CDHR3: variants seen among roughly 807,000 people sequenced by gnomAD.
The protein encoded by CDHR3 is cadherin related family member 3, also known as cadherin-related family member 3.
CDHR3 carries 79 observed loss-of-function variants against 86.6 expected under a neutral mutation model. The observed-to-expected ratio is 0.91, with a 90% CI of 0.76 to 1.10. The LOEUF (loss-of-function observed/expected upper bound fraction) is 1.10. CDHR3 is among the 50% of genes least tolerant of loss of function. The pLI is 0.00. For synonymous variants in CDHR3, 421 were observed against 402.4 expected (o/e 1.05, Z -0.55); for missense variants, 1,081 against 1,077.6 (o/e 1.00, Z -0.04).
At chr7:105,999,388 A>C (rs1306416836) in intron 6 of CDHR3, among the ~76,000 whole-genome samples, 1 of 152,194 alleles carries the variant, frequency 6.6e-6, no homozygotes, top group Non-Finnish European at 1.5e-5. Context: ...AGCACCCAGC[A>C]TGGACTAGAT....
chr7:105,964,311 A>C (rs565828538), intron 1 of CDHR3, among the ~76,000 whole-genome samples: 1 of 152,134 alleles, frequency 6.6e-6, no homozygotes, highest in East Asian at 1.9e-4. Flanking sequence ...ACATCTTTCA[A>C]CTGATTATTG....
Position 106,012,859 on chromosome 7 carries a change from G to A in CDHR3, c.1053-1G>A, listed in dbSNP as rs1417994355. The A allele has an allele frequency of 6.3e-7, 1 of 1,598,630 alleles. No homozygotes were observed. The highest frequency in any genetic ancestry group is 2.2e-5 in the East Asian group (1 of 44,642). ...AATACTGGATTGTGTCTTTTCACCAGCATTATGGTGCCGGAAAGAACAGCC... is the reference window on the plus strand; with the variant it reads ...AATACTGGATTGTGTCTTTTCACCAACATTATGGTGCCGGAAAGAACAGCC... On this transcript the variant is annotated splice_acceptor_variant, in intron 8 of 18. Coordinates refer to ENST00000317716, the MANE Select transcript of CDHR3 (RefSeq NM_152750.5). LOFTEE classifies it high-confidence loss of function.
At chr7:105,963,496 G>T in intron 1 of CDHR3, 132 bp downstream of exon 1, 2 of 930,294 alleles carry the variant, frequency 2.1e-6, no homozygotes, top group Non-Finnish European at 3.5e-6. Context: ...CTGCAGTAAT[G>T]AATGAGGTGA....
intron 17 of CDHR3, among the ~76,000 whole-genome samples, chr7:106,029,289 C>T (rs77510199): frequency 0.011 from 1,620 of 152,206 alleles, 19 homozygotes; most frequent in Non-Finnish European, 0.016. Context: ...CTGATTTAAA[C>T]TTTCTTTGCT....
At chr7:106,018,395 C>T (rs547082894) in intron 12 of CDHR3, among the ~76,000 whole-genome samples, 33 of 152,142 alleles carry the variant, frequency 2.2e-4, no homozygotes, top group Non-Finnish European at 2.6e-4. Flanking sequence ...CACCACCGTG[C>T]GCAGCTAATT....
In CDHR3 at chr7:106,004,636, T is replaced by C. The variant is rs939625958; in HGVS notation, c.1001T>C (p.Ile334Thr). ...GQENRIQITF[I>T]VEDVNDNPAT... is the part of the protein sequence containing the mutation. The stretch of plus-strand genomic sequence containing the variant: ...GAGAATCGCATCCAGATAACCTTCA[T>C]TGTGGAAGACGTCAACGACAATCCT... Residue 334 changes from isoleucine (I) to threonine (T), a missense_variant, in exon 8 of 19, where the codon ATT (isoleucine) becomes ACT (threonine). Physicochemically the swap from Ile to Thr is moderately conservative, Grantham distance 89. Coordinates refer to ENST00000317716, the MANE Select transcript of CDHR3 (RefSeq NM_152750.5). 1 of 1,613,994 alleles carries C rather than the reference T, an allele frequency of 6.2e-7. No homozygotes were observed. Among genetic ancestry groups the C allele is most frequent in the Non-Finnish European group, 8.5e-7 (1 of 1,179,882 alleles).
At position 106,008,434 on chromosome 7, in the gene CDHR3, G is replaced by A. The variant is rs138435103; in HGVS notation, c.1052+3747G>A. On this transcript the variant is annotated intron_variant, in intron 8 of 18. Transcript: ENST00000317716. ...AGGGTGCTTCACTCTCACGAGCCCTGAGATATTGCACCATCTGATGAGATT... is the reference window on the plus strand; with the variant it reads ...AGGGTGCTTCACTCTCACGAGCCCTAAGATATTGCACCATCTGATGAGATT... Among the ~76,000 whole-genome samples the A allele has an allele frequency of 1.7e-4, 26 of 152,230 alleles. 1 individual carries two copies. The East Asian group carries it at 5.0e-3, about 29-fold the overall frequency.
intron 2 of CDHR3, among the ~76,000 whole-genome samples, chr7:105,978,185 T>C (rs1829116097): frequency 6.6e-6 from 1 of 152,196 alleles, no homozygotes; most frequent in African/African-American, 2.4e-5. Context: ...GGTTTGCTAC[T>C]GCCCAGCAAG....
At chr7:106,028,918 T>C (rs77808177) in intron 17 of CDHR3, among the ~76,000 whole-genome samples, 1,844 of 58,496 alleles carry the variant, frequency 0.032, 36 homozygotes, top group African/African-American at 0.099. Flanking sequence ...GATTTAAATT[T>C]TCTTTCTTTC....
intron 1 of CDHR3, among the ~76,000 whole-genome samples, chr7:105,970,867 T>G (rs1827836161): frequency 6.6e-6 from 1 of 152,134 alleles, no homozygotes; most frequent in Non-Finnish European, 1.5e-5. Flanking sequence ...AGCTTGGCTA[T>G]CTTTTTAAAA....
intron 1 of CDHR3, among the ~76,000 whole-genome samples, chr7:105,964,500 A>G (rs1023640322): frequency 6.6e-6 from 1 of 152,056 alleles, no homozygotes; most frequent in Admixed American, 6.6e-5. Flanking sequence ...CCATTATTAA[A>G]TAATGACAAG....
chr7:106,001,749 T>C, intron 7 of CDHR3, 139 bp downstream of exon 7: 1 of 1,039,972 alleles, frequency 9.6e-7, no homozygotes, highest in South Asian at 1.5e-5. Flanking sequence ...TATGCTCAAG[T>C]TTCTTCTATA....
chr7:106,016,269 AT>A (rs1159940976), intron 11 of CDHR3, among the ~76,000 whole-genome samples: 2 of 152,148 alleles, frequency 1.3e-5, no homozygotes, highest in East Asian at 1.9e-4. Context: ...GAAGCCTCTG[AT>A]TGCTTCCTTG....
At chr7:106,001,325 G>A (rs539855065) in intron 6 of CDHR3, 137 bp from the exon 7 acceptor site, 2 of 842,832 alleles carry the variant, frequency 2.4e-6, no homozygotes, top group South Asian at 3.7e-5. Context: ...TTCCACTGCT[G>A]TGCTCTCCCT....
Position 106,032,590 on chromosome 7 carries a change from G to A in CDHR3, c.2551G>A (p.Asp851Asn), listed in dbSNP as rs751529948. The change falls in exon 19 of 19, where the codon GAT becomes AAT. Residue 851 changes from aspartate (D) to asparagine (N), a missense_variant. Coordinates refer to ENST00000317716, the MANE Select transcript of CDHR3 (RefSeq NM_152750.5). ...DELSGKAWAEDAGLGSRNEGG... is the reference protein window; with the variant it reads ...DELSGKAWAENAGLGSRNEGG... ...GCTGAGTGGCAAAGCGTGGGCTGAG[G>A]ATGCTGGTCTGGGTTCCAGAAATGA... 1.9e-6 allele frequency: 3 copies of A among 1,614,010 alleles called. No individual in the cohort carries two copies. The highest frequency in any genetic ancestry group is 2.2e-5 in the East Asian group (1 of 44,878).
intron 16 of CDHR3, 25 bp from the exon 17 acceptor site, chr7:106,028,526 C>T (rs1186494414): frequency 1.9e-6 from 3 of 1,613,742 alleles, no homozygotes; most frequent in African/African-American, 2.7e-5. Context: ...AGAAGCTTAA[C>T]TTCTGCCTGT....
At chr7:105,970,311 G>C (rs555062337) in intron 1 of CDHR3, among the ~76,000 whole-genome samples, 1 of 152,144 alleles carries the variant, frequency 6.6e-6, no homozygotes, top group African/African-American at 2.4e-5. Context: ...AAGCCCCATT[G>C]GTCCATTTCT....
intron 8 of CDHR3, among the ~76,000 whole-genome samples, chr7:106,011,808 G>C (rs774748074): frequency 3.3e-5 from 5 of 152,228 alleles, no homozygotes; most frequent in Non-Finnish European, 7.3e-5. Flanking sequence ...GGAAGGCTCT[G>C]AGTTTGGGGG....
At chr7:106,025,173 TA>T (rs1440832073) in intron 15 of CDHR3, among the ~76,000 whole-genome samples, 20 of 152,126 alleles carry the variant, frequency 1.3e-4, no homozygotes, top group Non-Finnish European at 2.6e-4. Context: ...TAAAGTGAGG[TA>T]GTAGAGTGAC....
Sources: allele counts gnomAD v4.1 joint callset (sites outside exome capture counted in the v4.1 genomes callset), GRCh38; gene constraint gnomAD v4.1.1; transcripts MANE v1.5; gene names NCBI Gene and HGNC (gene_info 2026-07-23, HGNC 2026-07-21).